Variants in TRAF3IP3 observed in about 807,000 individuals in gnomAD.
The protein encoded by TRAF3IP3 is TRAF3 interacting protein 3.
A neutral mutation model predicts 86.5 loss-of-function variants in TRAF3IP3; 64 were observed. The observed-to-expected ratio is 0.74, with a 90% confidence interval of 0.60 to 0.91. The LOEUF (loss-of-function observed/expected upper bound fraction) is 0.91. Among genes scored for constraint, TRAF3IP3 ranks in the 40% least tolerant of loss-of-function variants. TRAF3IP3 has a pLI of 0.00. For missense variants in TRAF3IP3, 579 were observed against 642.9 expected, an observed-to-expected ratio of 0.90 and a Z score of 1.07; for synonymous variants, 220 against 243.9, an observed-to-expected ratio of 0.90 and a Z score of 0.91.
Position 209,760,216 on chromosome 1 carries a change from A to G in TRAF3IP3, c.177A>G (p.Arg59=), listed in dbSNP as rs774215966. ...TCCAACAGAGAGAGCAGCTCCAGAG[A>G]GCTCGACTGCAGCAGTTCTTCAGGA... is the stretch of plus-strand genomic sequence containing the variant. ...LRIQQREQLQ[R]ARLQQFFRRR... Residue 59 remains arginine, a synonymous_variant, in exon 3 of 17, where the codon AGA becomes AGG. Transcript: ENST00000367025. The G allele has an allele frequency of 4.3e-6, 7 of 1,614,108 alleles. No individual in the cohort carries two copies. Among genetic ancestry groups the G allele is most frequent in the Non-Finnish European group, 5.9e-6 (7 of 1,180,054 alleles).
At chr1:209,768,389 T>C in intron 8 of TRAF3IP3, 1 of 985,406 alleles carries the variant, frequency 1.0e-6, no homozygotes, top group Non-Finnish European at 1.2e-6. Flanking sequence ...CAGAAACAGC[T>C]CTACTAGCAG....
intron 8 of TRAF3IP3, chr1:209,768,209 T>C: frequency 2.0e-6 from 2 of 985,450 alleles, no homozygotes; most frequent in East Asian, 1.1e-4. Context: ...TTGACCTTCA[T>C]AAATTTGAAT....
At chr1:209,767,552 T>TA (rs1226354201) in intron 8 of TRAF3IP3, among the ~76,000 whole-genome samples, 1 of 151,972 alleles carries the variant, frequency 6.6e-6, no homozygotes, top group Non-Finnish European at 1.5e-5. Flanking sequence ...TAGCCATGCA[T>TA]GGTGGTACAC....
chr1:209,763,225 C>CCCCCTTT, intron 6 of TRAF3IP3, 133 bp downstream of exon 6: 1 of 1,370,898 alleles, frequency 7.3e-7, no homozygotes, highest in Non-Finnish European at 1.0e-6. Flanking sequence ...TGAGCATAGA[C>CCCCCTTT]ATGGGGACTA....
At chr1:209,771,673 T>G (rs1883308) in intron 8 of TRAF3IP3, among the ~76,000 whole-genome samples, 79,179 of 128,070 alleles carry the variant, frequency 0.62, 24,671 homozygotes, top group African/African-American at 0.82. Context: ...AGGTGTGTGT[T>G]CAGGTGGAGG....
Position 209,778,301 on chromosome 1 carries a change from C to A in TRAF3IP3, c.1252+128C>A, listed in dbSNP as rs2077701930. ...TGCTCTAACTCTGTGCACTTTCAGA[C>A]CCTCTTCTTGTAAAGTGAGGTCATT... On this transcript the variant is annotated intron_variant, in intron 13 of 16. Coordinates refer to ENST00000367025, the MANE Select transcript of TRAF3IP3 (RefSeq NM_025228.4). 9.1e-6 allele frequency: 6 copies of A among 661,426 alleles called. No individual in the cohort carries two copies. The East Asian group carries it at 1.4e-4, about 16-fold the overall frequency. The allele number at this position is 661,426 out of a possible 1,614,324, so 41.0% of individuals were successfully genotyped here.
At chr1:209,763,721 T>A (rs2077289389) in intron 8 of TRAF3IP3, 134 bp downstream of exon 8, 2 of 730,900 alleles carry the variant, frequency 2.7e-6, no homozygotes, top group Non-Finnish European at 4.6e-6. Flanking sequence ...AGGCAGGAGA[T>A]GAGGGGGATG....
Position 209,775,483 on chromosome 1 carries a change from C to G in TRAF3IP3, c.909C>G (p.Ser303Arg), listed in dbSNP as rs974304426. The change falls in exon 10 of 17, where the codon AGC (serine) becomes AGG (arginine). Residue 303 changes from serine to arginine, a missense_variant. Transcript: ENST00000367025. ...TGAATGCAGAGCAGCAACTACAGAG[C>G]ACACAGGTATGGGGATGCCACATAG... ...EKMNAEQQLQ[S>R]TQRSLALAEQ... 1.2e-6 allele frequency: 2 copies of G among 1,614,084 alleles called. No homozygotes were observed. Among genetic ancestry groups the G allele is most frequent in the African/African-American group, 2.7e-5 (2 of 74,922 alleles).
chr1:209,772,038 GGT>G (rs952991727), intron 8 of TRAF3IP3, among the ~76,000 whole-genome samples: 4 of 143,800 alleles, frequency 2.8e-5, no homozygotes, highest in Non-Finnish European at 4.5e-5. Flanking sequence ...TGCATGTGGA[GGT>G]GTGTGTGCAC....
rs1558013113 is a variant in TRAF3IP3 at position 209,765,235 on chromosome 1, A to AG, written c.702+1648_702+1649insG. 2.2e-4 allele frequency among the ~76,000 whole-genome samples: 18 copies of AG among 82,232 alleles called. No homozygotes were observed. In the East Asian group the frequency reaches 5.3e-3, roughly 24 times the overall value. 53.9% of individuals were successfully genotyped at this position (82,232 alleles called of 152,430 possible). A position where few individuals can be genotyped will look rare whatever the true frequency, so the allele number is the denominator to read the frequency against. ...AGAGGGAGAGAGAGAGAGAGGAAGGAAGGAAGGAAGGAAGGAAGGAAGGAA... is the reference window on the plus strand; with the variant it reads ...AGAGGGAGAGAGAGAGAGAGGAAGGAGAGGAAGGAAGGAAGGAAGGAAGGAA... On this transcript the variant is annotated intron_variant, in intron 8 of 16. Coordinates refer to ENST00000367025, the MANE Select transcript of TRAF3IP3 (RefSeq NM_025228.4).
Position 209,762,598 on chromosome 1 carries a change from C to T in TRAF3IP3, c.429C>T (p.Ser143=). 1 of 1,516,226 alleles carries T rather than the reference C, an allele frequency of 6.6e-7. No individual in the cohort carries two copies. The highest frequency in any genetic ancestry group is 1.4e-5 in the South Asian group (1 of 73,370). 93.9% of individuals were successfully genotyped at this position (1,516,226 alleles called of 1,614,324 possible). Residue 143 remains serine (S), a synonymous_variant, in exon 4 of 17, where the codon TCC becomes TCT. Coordinates refer to ENST00000367025, the MANE Select transcript of TRAF3IP3 (RefSeq NM_025228.4). ...GICRDLSDHL[S]SQAGGLPPQD... Reference sequence around the variant, plus strand: ...GCAGGGATCTGTCTGACCACCTCTCCTCACAGGCTGGGGGCCTTCCTCCAC... The same window carrying T: ...GCAGGGATCTGTCTGACCACCTCTCTTCACAGGCTGGGGGCCTTCCTCCAC...
chr1:209,773,023 A>G lies in TRAF3IP3; in HGVS notation c.774+4A>G. On this transcript the variant is annotated splice_donor_region_variant and intron_variant, in intron 9 of 16. Transcript: ENST00000367025. ...CCAGCTATACACCTGTACCCAGGTA[A>G]GCATTCTGAAGGATACTTCCATCTC... is the stretch of plus-strand genomic sequence containing the variant. The G allele has an allele frequency of 6.3e-7, 1 of 1,599,512 alleles. No individual in the cohort carries two copies. The highest frequency in any genetic ancestry group is 8.5e-7 in the Non-Finnish European group (1 of 1,173,754).
At chr1:209,758,402 G>A (rs778860797) in intron 1 of TRAF3IP3, 2 of 152,104 alleles carry the variant, frequency 1.3e-5, no homozygotes, top group Non-Finnish European at 2.9e-5. Flanking sequence ...AGTGTCCAGG[G>A]CTTGACCACA....
intron 16 of TRAF3IP3, 147 bp downstream of exon 16, chr1:209,781,605 G>A (rs2077781888): frequency 3.7e-6 from 2 of 547,748 alleles, no homozygotes; most frequent in Non-Finnish European, 6.5e-6. Context: ...TGACATTATG[G>A]CAACCATTGA....
chr1:209,776,496 T>A (rs1459700346), intron 11 of TRAF3IP3: 1 of 152,204 alleles, frequency 6.6e-6, no homozygotes, highest in East Asian at 1.9e-4. Flanking sequence ...TATGTGAGTC[T>A]TATCAAAGGA....
intron 8 of TRAF3IP3, chr1:209,768,567 T>C (rs997886934): frequency 6.8e-5 from 67 of 985,682 alleles, no homozygotes; most frequent in Non-Finnish European, 8.0e-5. Context: ...GGGCTGGTGC[T>C]TCTGTGGTGA....
In TRAF3IP3 at chr1:209,780,532, G is replaced by A. The variant is rs1285296659; in HGVS notation, c.1375G>A (p.Gly459Arg). The change falls in exon 15 of 17, where the codon GGG (glycine) becomes AGG (arginine). Residue 459 changes from glycine to arginine, a missense_variant. Transcript: ENST00000367025. ...FPNEVEPEGT[G>R]KEKDWDLRDQ... is the part of the protein sequence containing the mutation. ...TAACGAAGTGGAGCCTGAGGGTACAGGGAAGGAGAAAGACTGGGATCTCAG... is the reference window on the plus strand; with the variant it reads ...TAACGAAGTGGAGCCTGAGGGTACAAGGAAGGAGAAAGACTGGGATCTCAG... 2 of 1,604,296 alleles carry A rather than the reference G, an allele frequency of 1.2e-6. No homozygotes were observed. The highest frequency in any genetic ancestry group is 2.3e-5 in the East Asian group (1 of 44,298).
At chr1:209,777,601 T>C in intron 12 of TRAF3IP3, 114 bp downstream of exon 12, 3 of 1,127,816 alleles carry the variant, frequency 2.7e-6, no homozygotes, top group South Asian at 1.8e-5. Context: ...GCTTGATTGG[T>C]TGATTGGCTT....
At chr1:209,761,940 T>C (rs1267663479) in intron 3 of TRAF3IP3, among the ~76,000 whole-genome samples, 2 of 152,254 alleles carry the variant, frequency 1.3e-5, no homozygotes, top group African/African-American at 4.8e-5. Context: ...GCTCCACATA[T>C]GCCTGGCCTG....
Sources: allele counts gnomAD v4.1 joint callset (sites outside exome capture counted in the v4.1 genomes callset), GRCh38; gene constraint gnomAD v4.1.1; transcripts MANE v1.5; gene names NCBI Gene and HGNC (gene_info 2026-07-23, HGNC 2026-07-21).